The following SDK1 variants were observed in gnomAD, a reference collection of about 807,000 sequenced individuals.
The protein encoded by SDK1 is protein sidekick-1.
In SDK1, 157 loss-of-function variants were observed where a neutral mutation model predicts 245.5. The observed-to-expected ratio is 0.64, with a 90% confidence interval of 0.56 to 0.73. The LOEUF is 0.73. Ranked by LOEUF, SDK1 falls within the 30% of genes least tolerant of loss-of-function variation. The pLI is 0.00. For missense variants in SDK1, 3,583 were observed against 3,002.3 expected (o/e 1.19, Z -4.52); for synonymous variants, 1,647 against 1,278.5 (o/e 1.29, Z -6.15).
intron 44 of SDK1, among the ~76,000 whole-genome samples, chr7:4,246,807 G>A (rs774421577): frequency 2.0e-5 from 3 of 152,124 alleles, no homozygotes; most frequent in Non-Finnish European, 2.9e-5. Context: ...GGGCCTACCC[G>A]CCTCAGGCCT....
At chr7:3,692,992 C>T (rs576061204) in intron 4 of SDK1, among the ~76,000 whole-genome samples, 28 of 151,570 alleles carry the variant, frequency 1.8e-4, no homozygotes, top group Non-Finnish European at 2.8e-4. Flanking sequence ...TAATATTTGC[C>T]AGTTTTCTGT....
intron 1 of SDK1, among the ~76,000 whole-genome samples, chr7:3,570,355 A>C (rs1173773846): frequency 6.6e-6 from 1 of 152,136 alleles, no homozygotes; most frequent in East Asian, 1.9e-4. Flanking sequence ...TATGAAAATC[A>C]AACGCCGCCT....
chr7:3,848,674 CTT>C (rs377029192), intron 5 of SDK1, among the ~76,000 whole-genome samples: 1 of 146,408 alleles, frequency 6.8e-6, no homozygotes, highest in African/African-American at 2.5e-5. Context: ...GTTGTCTTTT[CTT>C]TTTTTTTTTT....
chr7:4,202,669 C>G (rs527649318), intron 35 of SDK1, among the ~76,000 whole-genome samples: 12 of 152,210 alleles, frequency 7.9e-5, no homozygotes, highest in Non-Finnish European at 1.6e-4. Context: ...CATCATTCTC[C>G]CTGCAGAGTT....
chr7:3,802,047 T>G (rs1021835783), intron 4 of SDK1, among the ~76,000 whole-genome samples: 2 of 152,250 alleles, frequency 1.3e-5, no homozygotes, highest in Non-Finnish European at 2.9e-5. Flanking sequence ...GAAACTGTAC[T>G]TAATTATACA....
chr7:4,012,344 A>G, intron 16 of SDK1, 109 bp downstream of exon 16: 1 of 1,215,328 alleles, frequency 8.2e-7, no homozygotes, highest in Non-Finnish European at 1.1e-6. Context: ...GAACCAAAGG[A>G]GTCAGGCCAG....
chr7:3,446,856 T>G (rs1488642805), intron 1 of SDK1, among the ~76,000 whole-genome samples: 2 of 152,202 alleles, frequency 1.3e-5, no homozygotes, highest in Admixed American at 6.5e-5. Flanking sequence ...TGCTTTCCCA[T>G]GTGTTTATTC....
intron 4 of SDK1, among the ~76,000 whole-genome samples, chr7:3,698,432 TG>T (rs923087757): frequency 1.3e-5 from 2 of 152,088 alleles, no homozygotes; most frequent in African/African-American, 4.8e-5. Context: ...TCCTCCCCAC[TG>T]GGGTGATATC....
At chr7:3,787,703 G>C (rs1403805593) in intron 4 of SDK1, among the ~76,000 whole-genome samples, 2 of 152,114 alleles carry the variant, frequency 1.3e-5, no homozygotes, top group East Asian at 3.9e-4. Context: ...CAGGTCATCA[G>C]AAAACAGTTA....
intron 1 of SDK1, among the ~76,000 whole-genome samples, chr7:3,488,009 G>C (rs1167815527): frequency 3.9e-5 from 6 of 152,256 alleles, no homozygotes. Context: ...TTTGCAATTT[G>C]TATTTTCTGT....
At chr7:3,731,501 A>C (rs79086570) in intron 4 of SDK1, among the ~76,000 whole-genome samples, 2 of 152,170 alleles carry the variant, frequency 1.3e-5, no homozygotes, top group African/African-American at 4.8e-5. Context: ...TTCTTCTGCT[A>C]TTCTTTCATG....
At chr7:3,550,447 A>G (rs1051524677) in intron 1 of SDK1, among the ~76,000 whole-genome samples, 1 of 152,334 alleles carries the variant, frequency 6.6e-6, no homozygotes, top group Non-Finnish European at 1.5e-5. Context: ...TCACTTGACT[A>G]AGGCATGTGC....
chr7:3,426,029 T>G (rs1779666166), intron 1 of SDK1, among the ~76,000 whole-genome samples: 1 of 152,248 alleles, frequency 6.6e-6, no homozygotes, highest in African/African-American at 2.4e-5. Flanking sequence ...ATACATAAAA[T>G]TACTTTTTAT....
At chr7:3,578,486 T>C (rs190862381) in intron 1 of SDK1, among the ~76,000 whole-genome samples, 41 of 152,110 alleles carry the variant, frequency 2.7e-4, no homozygotes, top group Non-Finnish European at 3.8e-4. Context: ...AGAAAACCAG[T>C]CTGACCTCAA....
chr7:3,438,443 T>TA (rs1174769956), intron 1 of SDK1, among the ~76,000 whole-genome samples: 1 of 152,228 alleles, frequency 6.6e-6, no homozygotes, highest in East Asian at 1.9e-4. Flanking sequence ...TCATAAATGT[T>TA]ACGTTTTCTG....
chr7:3,650,871 G>A (rs1158810229), intron 4 of SDK1, among the ~76,000 whole-genome samples: 1 of 149,022 alleles, frequency 6.7e-6, no homozygotes, highest in South Asian at 2.2e-4. Flanking sequence ...ATTCATCCAG[G>A]TTATTGTCTG....
At chr7:3,941,788 C>T (rs907404887) in intron 5 of SDK1, among the ~76,000 whole-genome samples, 2 of 152,312 alleles carry the variant, frequency 1.3e-5, no homozygotes, top group Admixed American at 1.3e-4. Flanking sequence ...ACTTTGTATC[C>T]CCAGCACCTG....
intron 5 of SDK1, among the ~76,000 whole-genome samples, chr7:3,920,969 C>G (rs1779565315): frequency 6.6e-6 from 1 of 152,102 alleles, no homozygotes; most frequent in South Asian, 2.1e-4. Flanking sequence ...CAAATGAAAG[C>G]CAACATAGAA....
At chr7:3,539,038 GGTT>G (rs1562549235) in intron 1 of SDK1, among the ~76,000 whole-genome samples, 1 of 152,034 alleles carries the variant, frequency 6.6e-6, no homozygotes, top group Non-Finnish European at 1.5e-5. Flanking sequence ...AAGAGTGTCT[GGTT>G]GTTGTTTGTT....
Sources: gnomAD v4.1 joint callset for allele counts (sites outside exome capture counted in the v4.1 genomes callset) on GRCh38, gnomAD v4.1.1 for gene constraint, MANE v1.5 for transcripts, NCBI Gene and HGNC (gene_info 2026-07-23, HGNC 2026-07-21) for gene names.